BCL11B: variants seen among roughly 807,000 people sequenced by gnomAD.
The protein encoded by BCL11B is BCL11 transcription factor B, also known as B-cell lymphoma/leukemia 11B.
In BCL11B, 8 loss-of-function variants were observed where a neutral mutation model predicts 49.9. The ratio of observed to expected loss-of-function variants is 0.16; its 90% confidence interval spans 0.09 to 0.29. The LOEUF (loss-of-function observed/expected upper bound fraction) is 0.29. Ranked by LOEUF, BCL11B falls within the 10% of genes least tolerant of loss-of-function variation. BCL11B has a pLI of 1.00. For missense variants in BCL11B, 1,006 were observed against 1,351.0 expected (o/e 0.74, Z 4.00); for synonymous variants, 739 against 637.4 (o/e 1.16, Z -2.40).
rs1889694826 is a variant in BCL11B at position 99,271,674 on chromosome 14, C to T, written c.-456G>A. 5.0e-6 allele frequency: 1 copy of T among 198,426 alleles called. No individual in the cohort carries two copies. Among genetic ancestry groups the T allele is most frequent in the Non-Finnish European group, 1.0e-5 (1 of 95,484 alleles). 12.3% of individuals were successfully genotyped at this position (198,426 alleles called of 1,614,324 possible). ...ACTTAAACTGGGTTTTGCACCGGCT[C>T]CTGACACTTTCTTTCAGGGTCTGGT... On this transcript the variant is annotated 5_prime_UTR_variant, in exon 1 of 4. Transcript: ENST00000357195.
intron 3 of BCL11B, among the ~76,000 whole-genome samples, chr14:99,191,046 T>G (rs1887012763): frequency 6.6e-6 from 1 of 152,218 alleles, no homozygotes; most frequent in East Asian, 1.9e-4. Context: ...TTGGTTATTC[T>G]TGAACCTCAA....
chr14:99,208,867 G>A (rs1301858314), intron 3 of BCL11B, among the ~76,000 whole-genome samples: 4 of 152,198 alleles, frequency 2.6e-5, no homozygotes, highest in Admixed American at 1.3e-4. Flanking sequence ...CATGAAGCTC[G>A]TCCCTGCCCT....
intron 3 of BCL11B, among the ~76,000 whole-genome samples, chr14:99,202,199 A>G (rs1289191567): frequency 6.6e-6 from 1 of 152,094 alleles, no homozygotes; most frequent in Non-Finnish European, 1.5e-5. Flanking sequence ...TATATCGCCC[A>G]GGCTGGTCTC....
intron 3 of BCL11B, among the ~76,000 whole-genome samples, chr14:99,197,832 T>C (rs1194707037): frequency 6.6e-6 from 1 of 152,164 alleles, no homozygotes; most frequent in Non-Finnish European, 1.5e-5. Flanking sequence ...TCCCCCTTTC[T>C]GGGTCATGCA....
chr14:99,188,435 TG>T (rs1381494294), intron 3 of BCL11B, among the ~76,000 whole-genome samples: 2 of 152,336 alleles, frequency 1.3e-5, no homozygotes, highest in Admixed American at 1.3e-4. Flanking sequence ...AGCTTGGGTT[TG>T]CCCGGGTGGA....
rs549371390 is a variant in BCL11B, at chr14:99,268,066, T to G, written c.58+3095A>C. ...CGGCACGATTGCCACTGTGTTGTTTTGTGTTTGTTTTTTTATTAATAGCTG... is the reference window on the plus strand; with the variant it reads ...CGGCACGATTGCCACTGTGTTGTTTGGTGTTTGTTTTTTTATTAATAGCTG... On this transcript the variant is annotated intron_variant, in intron 1 of 3. Transcript: ENST00000357195. Among the ~76,000 whole-genome samples, 49 of 152,192 alleles carry G rather than the reference T, an allele frequency of 3.2e-4. No individual in the cohort carries two copies. The South Asian group carries it at 9.2e-3, about 28-fold the overall frequency.
At chr14:99,219,094 T>C (rs116967746) in intron 3 of BCL11B, among the ~76,000 whole-genome samples, 1,785 of 151,628 alleles carry the variant, frequency 0.012, 50 homozygotes, top group East Asian at 0.11. Flanking sequence ...AAGGCTGGAG[T>C]GCAGTGGCAC....
At chr14:99,260,153 A>C (rs1889294750) in intron 1 of BCL11B, among the ~76,000 whole-genome samples, 1 of 152,218 alleles carries the variant, frequency 6.6e-6, no homozygotes, top group South Asian at 2.1e-4. Flanking sequence ...AGAGAGAGGC[A>C]CAAAAGAAAT....
At chr14:99,198,962 TC>T (rs1163501193) in intron 3 of BCL11B, among the ~76,000 whole-genome samples, 1 of 152,054 alleles carries the variant, frequency 6.6e-6, no homozygotes, top group Non-Finnish European at 1.5e-5. Flanking sequence ...TAGCTCAGAC[TC>T]CCCGGACACC....
At chr14:99,187,038 C>T (rs1566800457) in intron 3 of BCL11B, among the ~76,000 whole-genome samples, 3 of 152,150 alleles carry the variant, frequency 2.0e-5, no homozygotes, top group South Asian at 2.1e-4. Context: ...TCCAGGCTGT[C>T]GGTGGAACAG....
At chr14:99,199,311 G>A (rs1391394296) in intron 3 of BCL11B, among the ~76,000 whole-genome samples, 1 of 152,116 alleles carries the variant, frequency 6.6e-6, no homozygotes, top group African/African-American at 2.4e-5. Flanking sequence ...CTGAATTACA[G>A]GTTAAATAGC....
At chr14:99,250,033 C>CT (rs35826122) in intron 2 of BCL11B, among the ~76,000 whole-genome samples, 8,506 of 106,278 alleles carry the variant, frequency 0.08, 995 homozygotes, top group African/African-American at 0.24. Context: ...ACAGGAGAAT[C>CT]TTTTTTTTTT....
intron 1 of BCL11B, among the ~76,000 whole-genome samples, chr14:99,261,972 T>C (rs1889350158): frequency 6.6e-6 from 1 of 152,214 alleles, no homozygotes; most frequent in African/African-American, 2.4e-5. Flanking sequence ...AGCTGGTAAA[T>C]GCATTTAGAA....
intron 2 of BCL11B, among the ~76,000 whole-genome samples, chr14:99,237,175 G>C (rs1481475550): frequency 1.3e-5 from 2 of 151,528 alleles, no homozygotes; most frequent in Admixed American, 1.3e-4. Flanking sequence ...CTTTGGGGTT[G>C]AGGGTGACTC....
Position 99,247,082 on chromosome 14 carries a change from C to G in BCL11B, c.427+10389G>C, listed in dbSNP as rs900326861. Among the ~76,000 whole-genome samples the G allele has an allele frequency of 1.3e-5, 2 of 152,166 alleles. No homozygotes were observed. The highest frequency in any genetic ancestry group is 4.8e-5 in the African/African-American group (2 of 41,432). ...TTCCAGACCACAGCGCTGCAGTCTA[C>G]GCTGCCCTGACGCTGGAGTGTGGAC... On this transcript the variant is annotated intron_variant, in intron 2 of 3. Coordinates refer to ENST00000357195, the MANE Select transcript of BCL11B (RefSeq NM_138576.4). This position sits in a 1 kb window ranked among gnomAD's most constrained non-coding sequence, Gnocchi z 4.5.
chr14:99,232,198 C>A lies in BCL11B; in HGVS notation c.428-641G>T, dbSNP rs115767520. ...AAGGCTTTCACACCCCCCTACCACA[C>A]CCCAAGAAAACCCTGGCGCTGCTCA... is the stretch of plus-strand genomic sequence containing the variant. On this transcript the variant is annotated intron_variant, in intron 2 of 3. Transcript: ENST00000357195. This position sits in a 1 kb window ranked among gnomAD's most constrained non-coding sequence, Gnocchi z 5.1. Among the ~76,000 whole-genome samples, 854 of 152,212 alleles carry A rather than the reference C, an allele frequency of 5.6e-3. 8 individuals carry two copies. Among genetic ancestry groups the A allele is most frequent in the African/African-American group, 0.02 (825 of 41,534 alleles).
chr14:99,174,715 C>T lies in BCL11B; in HGVS notation c.2121G>A (p.Val707=), dbSNP rs767532473. Residue 707 remains valine, a synonymous_variant, in exon 4 of 4, where the codon GTG becomes GTA. Coordinates refer to ENST00000357195, the MANE Select transcript of BCL11B (RefSeq NM_138576.4). The part of the protein sequence containing the change: ...PPAALIPSEN[V]YSQWLVGYAA... ...CGTAGCCCACCAGCCACTGCGAGTA[C>T]ACGTTCTCGGACGGGATGAGCGCGG... 1.6e-5 allele frequency: 25 copies of T among 1,563,518 alleles called. No homozygotes were observed. The South Asian group carries it at 2.6e-4, about 17-fold the overall frequency.
In BCL11B at chr14:99,228,423, C is replaced by A. The variant is rs1257451; in HGVS notation, c.640+2922G>T. On this transcript the variant is annotated intron_variant, in intron 3 of 3. Transcript: ENST00000357195. This position sits in a 1 kb window ranked among gnomAD's most constrained non-coding sequence, Gnocchi z 4.8. ...GTGCAAGCTGGTGAGGGCCAATGAA[C>A]TGGGACCGAATGAAAAAAGAGAACT... Among the ~76,000 whole-genome samples the A allele has an allele frequency of 0.031, 4,730 of 152,248 alleles. 222 individuals carry two copies. The highest frequency in any genetic ancestry group is 0.11 in the East Asian group (591 of 5,170).
chr14:99,240,817 A>C (rs1475036593), intron 2 of BCL11B, among the ~76,000 whole-genome samples: 1 of 152,258 alleles, frequency 6.6e-6, no homozygotes, highest in African/African-American at 2.4e-5. Context: ...AACGCTAGGA[A>C]TATTGCTCCT....
Sources: allele counts gnomAD v4.1 joint callset (sites outside exome capture counted in the v4.1 genomes callset), GRCh38; gene constraint gnomAD v4.1.1; non-coding constraint Gnocchi (gnomAD v3.1); transcripts MANE v1.5; gene names NCBI Gene and HGNC (gene_info 2026-07-23, HGNC 2026-07-21).